Variants in KLF12 observed in about 807,000 individuals in gnomAD.
The protein encoded by KLF12 is KLF transcription factor 12, also known as Krueppel-like factor 12.
In KLF12, 9 loss-of-function variants were observed where a neutral mutation model predicts 37.8. That is an observed-to-expected ratio of 0.24 (90% confidence interval 0.14 to 0.42). KLF12 has a LOEUF of 0.42. Ranked by LOEUF, KLF12 falls within the 10% of genes least tolerant of loss-of-function variation. The pLI is 1.00. For synonymous variants in KLF12, 208 were observed against 202.1 expected, an observed-to-expected ratio of 1.03 and a Z score of -0.25; for missense variants, 411 against 516.0, an observed-to-expected ratio of 0.80 and a Z score of 1.97.
upstream of KLF12, among the ~76,000 whole-genome samples, chr13:74,134,906 C>G (rs894861089): frequency 2.0e-5 from 3 of 151,950 alleles, no homozygotes; most frequent in African/African-American, 4.8e-5. Flanking sequence ...CCCCGCGGCT[C>G]GCCCGCCAGC....
intron 5 of KLF12, among the ~76,000 whole-genome samples, chr13:73,807,231 C>T (rs962675273): frequency 2.0e-5 from 3 of 151,926 alleles, no homozygotes; most frequent in South Asian, 2.1e-4. Context: ...ATCGCTTGAA[C>T]CCAGGAGGTG....
At chr13:73,995,417 T>A (rs1593815038) in intron 1 of KLF12, among the ~76,000 whole-genome samples, 1 of 152,152 alleles carries the variant, frequency 6.6e-6, no homozygotes, top group Non-Finnish European at 1.5e-5. Flanking sequence ...TAAGTAAATT[T>A]CCTGTATAAA....
At chr13:73,703,829 G>A (rs1874728563) in intron 7 of KLF12, among the ~76,000 whole-genome samples, 2 of 152,228 alleles carry the variant, frequency 1.3e-5, no homozygotes, top group Admixed American at 6.5e-5. Flanking sequence ...CATAAACCAG[G>A]ATATCTGGTC....
At chr13:74,276,405 TA>T in the KLF12 span, among the ~76,000 whole-genome samples, 1 of 152,166 alleles carries the variant, frequency 6.6e-6, no homozygotes, top group Non-Finnish European at 1.5e-5. Context: ...GATCAAATTT[TA>T]AAAATTCCAT....
intron 3 of KLF12, among the ~76,000 whole-genome samples, chr13:73,906,998 G>A: frequency 6.6e-6 from 1 of 152,256 alleles, no homozygotes; most frequent in Non-Finnish European, 1.5e-5. Flanking sequence ...TACCAGCTCT[G>A]ATTAGGGCTC....
chr13:73,881,653 C>T (rs962578268), intron 3 of KLF12, among the ~76,000 whole-genome samples: 1 of 152,074 alleles, frequency 6.6e-6, no homozygotes, highest in Non-Finnish European at 1.5e-5. Context: ...AATTTTTGCA[C>T]AACATGATTT....
the KLF12 span, among the ~76,000 whole-genome samples, chr13:74,274,093 C>T: frequency 4.7e-4 from 71 of 152,052 alleles, 1 homozygote; most frequent in Non-Finnish European, 2.5e-4. Context: ...GGAAAATCTT[C>T]CAGGGAATGT....
intron 1 of KLF12, among the ~76,000 whole-genome samples, chr13:74,060,854 T>G (rs1331296573): frequency 6.6e-6 from 1 of 152,182 alleles, no homozygotes; most frequent in East Asian, 1.9e-4. Flanking sequence ...CTGATCTCTA[T>G]TCACAGGTTT....
At chr13:74,004,403 G>A (rs1414090126) in intron 1 of KLF12, among the ~76,000 whole-genome samples, 4 of 152,158 alleles carry the variant, frequency 2.6e-5, no homozygotes, top group Non-Finnish European at 5.9e-5. Context: ...TCATTTTACA[G>A]ATGTGGAAAC....
chr13:74,195,466 C>T, the KLF12 span, among the ~76,000 whole-genome samples: 1 of 152,134 alleles, frequency 6.6e-6, no homozygotes, highest in Non-Finnish European at 1.5e-5. Flanking sequence ...GAAAGGGGTC[C>T]TCATGCTGTG....
intron 4 of KLF12, among the ~76,000 whole-genome samples, chr13:73,843,528 C>T (rs1157173386): frequency 2.0e-5 from 3 of 151,966 alleles, no homozygotes; most frequent in Non-Finnish European, 2.9e-5. Context: ...AGGCTGGTCT[C>T]GAACTCCTGA....
the KLF12 span, chr13:74,257,752 G>C: frequency 1.3e-5 from 2 of 152,128 alleles, no homozygotes; most frequent in Admixed American, 1.3e-4. Flanking sequence ...TTTCCACAAC[G>C]CAACTGTGTT....
chr13:74,174,497 C>A, the KLF12 span, among the ~76,000 whole-genome samples: 1 of 151,910 alleles, frequency 6.6e-6, no homozygotes, highest in Non-Finnish European at 1.5e-5. Context: ...CCTCGGCCTC[C>A]CAAAGTGCTG....
intron 3 of KLF12, among the ~76,000 whole-genome samples, chr13:73,896,716 TA>T (rs1887786163): frequency 6.6e-6 from 1 of 152,190 alleles, no homozygotes; most frequent in African/African-American, 2.4e-5. Context: ...TTATTTAACC[TA>T]AAACCTAAAA....
chr13:73,741,161 T>C (rs1365827410), intron 6 of KLF12, among the ~76,000 whole-genome samples: 2 of 152,130 alleles, frequency 1.3e-5, no homozygotes, highest in African/African-American at 2.4e-5. Context: ...AATGTTCCCA[T>C]GGAACAGAAG....
At chr13:73,789,530 G>C (rs559918432) in intron 5 of KLF12, among the ~76,000 whole-genome samples, 2 of 152,016 alleles carry the variant, frequency 1.3e-5, no homozygotes, top group Non-Finnish European at 2.9e-5. Context: ...GTAAGACCAC[G>C]CAAAATTTAC....
chr13:73,710,313 T>C (rs185605443), intron 7 of KLF12, among the ~76,000 whole-genome samples: 2 of 152,234 alleles, frequency 1.3e-5, no homozygotes, highest in East Asian at 3.9e-4. Flanking sequence ...CTTAACACCA[T>C]TTTTGCATAT....
chr13:74,174,680 C>T, the KLF12 span, among the ~76,000 whole-genome samples: 2 of 152,124 alleles, frequency 1.3e-5, no homozygotes, highest in Non-Finnish European at 2.9e-5. Flanking sequence ...TAACTGATTG[C>T]TTTATAACCT....
At chr13:73,982,375 A>C (rs1891709047) in intron 2 of KLF12, among the ~76,000 whole-genome samples, 1 of 152,226 alleles carries the variant, frequency 6.6e-6, no homozygotes, top group African/African-American at 2.4e-5. Context: ...ATATGCATTG[A>C]AAGGTAAATG....
Sources: allele counts gnomAD v4.1 joint callset (sites outside exome capture counted in the v4.1 genomes callset), GRCh38; gene constraint gnomAD v4.1.1; transcripts MANE v1.5; gene names NCBI Gene and HGNC (gene_info 2026-07-23, HGNC 2026-07-21).